Variants in GABRA2 observed in about 807,000 individuals in gnomAD.
GABRA2 encodes gamma-aminobutyric acid receptor subunit alpha-2.
Under a neutral mutation model 48.7 loss-of-function variants are expected in GABRA2, and 16 were observed. The observed-to-expected ratio is 0.33, with a 90% CI of 0.22 to 0.50. The LOEUF (loss-of-function observed/expected upper bound fraction) is 0.50. Ranked by LOEUF, GABRA2 falls within the 20% of genes least tolerant of loss-of-function variation. The probability of loss-of-function intolerance (pLI) is 0.98; values close to 1 mark genes in which losing one functional copy is unlikely to be tolerated. For missense variants in GABRA2, 275 were observed against 535.6 expected (o/e 0.51, Z 4.80); for synonymous variants, 185 against 184.5 (o/e 1.00, Z -0.02).
intron 3 of GABRA2, among the ~76,000 whole-genome samples, chr4:46,377,507 C>T (rs1235131339): frequency 1.3e-5 from 2 of 150,146 alleles, no homozygotes; most frequent in Non-Finnish European, 3.0e-5. Context: ...AGCAACCGCC[C>T]CGTCTGAGAA....
At chr4:46,361,013 G>A (rs1175374583) in intron 3 of GABRA2, among the ~76,000 whole-genome samples, 1 of 152,196 alleles carries the variant, frequency 6.6e-6, no homozygotes, top group Non-Finnish European at 1.5e-5. Context: ...CTTGGGTGCT[G>A]TTAAAGGCAT....
Position 46,250,071 on chromosome 4 carries a change from G to A in GABRA2, c.*237C>T. Reference sequence around the variant, plus strand: ...TCACTTGAAATTCACTTTAAATCAGGTCCTAGGGTAAATCTTTAAAAAAGG... The same window carrying A: ...TCACTTGAAATTCACTTTAAATCAGATCCTAGGGTAAATCTTTAAAAAAGG... On this transcript the variant is annotated 3_prime_UTR_variant, in exon 10 of 10. Transcript: ENST00000381620. 6.7e-6 allele frequency: 3 copies of A among 446,726 alleles called. No individual in the cohort carries two copies. Among genetic ancestry groups the A allele is most frequent in the Non-Finnish European group, 1.2e-5 (3 of 250,078 alleles). The allele number at this position is 446,726 out of a possible 1,614,324, so 27.7% of individuals were successfully genotyped here. A position where few individuals can be genotyped will look rare whatever the true frequency, so the allele number is the denominator to read the frequency against.
At chr4:46,309,674 T>C (rs1205526149) in intron 6 of GABRA2, among the ~76,000 whole-genome samples, 1 of 152,038 alleles carries the variant, frequency 6.6e-6, no homozygotes, top group Non-Finnish European at 1.5e-5. Context: ...TGCCAGAATG[T>C]AGCAATGCAG....
At chr4:46,345,291 G>T (rs1297376526) in intron 3 of GABRA2, among the ~76,000 whole-genome samples, 1 of 151,784 alleles carries the variant, frequency 6.6e-6, no homozygotes, top group African/African-American at 2.4e-5. Context: ...CTTTATAGCA[G>T]TGTGAAAATG....
intron 2 of GABRA2, 128 bp from the exon 3 acceptor site, chr4:46,386,317 T>C: frequency 1.7e-6 from 1 of 591,940 alleles, no homozygotes. Context: ...TTCCTCCTTT[T>C]TTTTTAACTT....
At chr4:46,378,739 A>T (rs1716337226) in intron 3 of GABRA2, among the ~76,000 whole-genome samples, 1 of 151,816 alleles carries the variant, frequency 6.6e-6, no homozygotes, top group Non-Finnish European at 1.5e-5. Context: ...AGGTGGGAGG[A>T]TCACTTGAAC....
intron 8 of GABRA2, among the ~76,000 whole-genome samples, chr4:46,263,524 G>A (rs1049278520): frequency 7.2e-5 from 11 of 152,050 alleles, no homozygotes; most frequent in African/African-American, 2.7e-4. Context: ...ACACTTCGTT[G>A]AGAATCAATT....
chr4:46,320,567 G>T (rs1386624727), intron 4 of GABRA2, among the ~76,000 whole-genome samples: 1 of 151,788 alleles, frequency 6.6e-6, no homozygotes, highest in Non-Finnish European at 1.5e-5. Flanking sequence ...AAATACATAA[G>T]GAATTCACAC....
chr4:46,331,055 C>A (rs1731268803), intron 4 of GABRA2, among the ~76,000 whole-genome samples: 1 of 151,940 alleles, frequency 6.6e-6, no homozygotes, highest in Admixed American at 6.6e-5. Context: ...TTAAATTGAC[C>A]CATGGAAAGA....
rs1461754712 is a variant in GABRA2 at position 46,250,580 on chromosome 4, T to C, written c.1084A>G (p.Ile362Val). 6.2e-7 allele frequency: 1 copy of C among 1,601,588 alleles called. No homozygotes were observed. The highest frequency in any genetic ancestry group is 1.7e-5 in the Admixed American group (1 of 57,548). Residue 362 changes from isoleucine to valine, a missense_variant, in exon 10 of 10, where the codon ATA (isoleucine) becomes GTA (valine). Around this residue, in one of 4 missense-constraint regions of GABRA2, gnomAD observed 99 missense variants for 124.3 expected, o/e 0.80. Transcript: ENST00000381620. ...DKKKEKASVM[I>V]QNNAYAVAVA... Reference sequence around the variant, plus strand: ...GCCACTGCATAAGCGTTGTTCTGTATCATAACGGAAGCCTTTTCTTTTTTC... The same window carrying C: ...GCCACTGCATAAGCGTTGTTCTGTACCATAACGGAAGCCTTTTCTTTTTTC...
At chr4:46,383,235 A>C (rs1428127567) in intron 3 of GABRA2, among the ~76,000 whole-genome samples, 2 of 152,164 alleles carry the variant, frequency 1.3e-5, no homozygotes, top group African/African-American at 4.8e-5. Context: ...TGTCATTAGA[A>C]ATCCTGTTTC....
chr4:46,337,038 G>A (rs182607372), intron 3 of GABRA2, among the ~76,000 whole-genome samples: 2 of 151,992 alleles, frequency 1.3e-5, no homozygotes, highest in African/African-American at 4.8e-5. Context: ...GAACAAAATT[G>A]ATGTTCAATT....
At chr4:46,356,412 T>C (rs777341120) in intron 3 of GABRA2, among the ~76,000 whole-genome samples, 6 of 145,744 alleles carry the variant, frequency 4.1e-5, no homozygotes, top group Admixed American at 6.9e-5. Flanking sequence ...CTTGCAATTA[T>C]CTGGGGATAT....
chr4:46,349,089 A>C (rs2109896405), intron 3 of GABRA2, among the ~76,000 whole-genome samples: 1 of 152,118 alleles, frequency 6.6e-6, no homozygotes, highest in Non-Finnish European at 1.5e-5. Context: ...TTTTAGCAAT[A>C]AAGTATATTT....
chr4:46,269,842 T>C (rs1452427235), intron 8 of GABRA2, among the ~76,000 whole-genome samples: 1 of 151,962 alleles, frequency 6.6e-6, no homozygotes, highest in East Asian at 1.9e-4. Flanking sequence ...GAGGAGATTG[T>C]ATTATATTCT....
intron 4 of GABRA2, among the ~76,000 whole-genome samples, chr4:46,322,658 G>T (rs1359023163): frequency 6.6e-6 from 1 of 151,932 alleles, no homozygotes; most frequent in East Asian, 1.9e-4. Context: ...TCAATGCTGT[G>T]TCACCGGCAT....
At chr4:46,328,224 C>T (rs563161534) in intron 4 of GABRA2, among the ~76,000 whole-genome samples, 1 of 151,678 alleles carries the variant, frequency 6.6e-6, no homozygotes, top group Non-Finnish European at 1.5e-5. Context: ...TTTAGATCTA[C>T]AACATTTTTG....
At chr4:46,293,393 C>G (rs752830408) in intron 8 of GABRA2, among the ~76,000 whole-genome samples, 1 of 152,152 alleles carries the variant, frequency 6.6e-6, no homozygotes, top group Non-Finnish European at 1.5e-5. Context: ...GAGCTGTGCA[C>G]TGGAGAAAGG....
chr4:46,306,581 C>A (rs532929344), intron 6 of GABRA2, among the ~76,000 whole-genome samples: 1 of 152,302 alleles, frequency 6.6e-6, no homozygotes, highest in Admixed American at 6.5e-5. Flanking sequence ...ACAGGTAATT[C>A]TTTCTATACT....
Sources: gnomAD v4.1 joint callset for allele counts (sites outside exome capture counted in the v4.1 genomes callset) on GRCh38, gnomAD v4.1.1 for gene constraint, gnomAD v4.1.1 regional missense constraint, MANE v1.5 for transcripts, NCBI Gene and HGNC (gene_info 2026-07-23, HGNC 2026-07-21) for gene names.